Variants in LMX1A observed in about 807,000 individuals in gnomAD.
The protein encoded by LMX1A is LIM homeobox transcription factor 1 alpha.
Under a neutral mutation model 49.1 loss-of-function variants are expected in LMX1A, and 15 were observed. The observed-to-expected ratio is 0.31, with a 90% CI of 0.20 to 0.47. The LOEUF is 0.47. LMX1A is among the 20% of genes least tolerant of loss of function. LMX1A has a pLI of 1.00. For synonymous variants in LMX1A, 167 were observed against 185.7 expected, an observed-to-expected ratio of 0.90 and a Z score of 0.82; for missense variants, 372 against 475.8, an observed-to-expected ratio of 0.78 and a Z score of 2.03.
At chr1:165,344,081 C>T (rs889033346) in intron 3 of LMX1A, among the ~76,000 whole-genome samples, 1 of 152,196 alleles carries the variant, frequency 6.6e-6, no homozygotes, top group African/African-American at 2.4e-5. Flanking sequence ...CACAGCCAAG[C>T]TGAGATTCTG....
rs950509461 is a variant in LMX1A at position 165,335,545 on chromosome 1, C to T, written c.263+17531G>A. Among the ~76,000 whole-genome samples, 4 of 152,172 alleles carry T rather than the reference C, an allele frequency of 2.6e-5. No homozygotes were observed. In the South Asian group the frequency reaches 8.3e-4, roughly 32 times the overall value. Reference sequence around the variant, plus strand: ...AGGCCCACTTCTTTCGCATTATTTCCTTCCTGACAGCTATAATCAAGTCAG... The same window carrying T: ...AGGCCCACTTCTTTCGCATTATTTCTTTCCTGACAGCTATAATCAAGTCAG... On this transcript the variant is annotated intron_variant, in intron 3 of 8. Transcript: ENST00000342310.
At chr1:165,283,742 C>T (rs981304769) in intron 3 of LMX1A, among the ~76,000 whole-genome samples, 7 of 152,208 alleles carry the variant, frequency 4.6e-5, no homozygotes, top group African/African-American at 1.7e-4. Context: ...CACAGCCTGG[C>T]ACGTAGCAGG....
At chr1:165,251,015 AAGTCATGACCCAATCACACACTAAGG>A (rs138730495) in intron 3 of LMX1A, among the ~76,000 whole-genome samples, 37,214 of 151,558 alleles carry the variant, frequency 0.25, 5,215 homozygotes, top group East Asian at 0.56. Flanking sequence ...AGGTGAGGTT[AAGTCATGACCCAATCACACACTAAGG>A]AGCTGGACAT....
At chr1:165,251,897 T>G (rs899030617) in intron 3 of LMX1A, among the ~76,000 whole-genome samples, 17 of 152,060 alleles carry the variant, frequency 1.1e-4, no homozygotes, top group African/African-American at 3.6e-4. Context: ...ATATGAAAAG[T>G]GGTGGGCACT....
intron 5 of LMX1A, among the ~76,000 whole-genome samples, chr1:165,212,520 T>G (rs1292876707): frequency 1.3e-5 from 2 of 150,972 alleles, no homozygotes; most frequent in African/African-American, 4.9e-5. Flanking sequence ...TTGTTTGTTT[T>G]TTTTTTATCA....
chr1:165,208,204 G>A (rs1651180183), intron 6 of LMX1A, 72 bp from the exon 7 acceptor site: 1 of 1,393,730 alleles, frequency 7.2e-7, no homozygotes, highest in South Asian at 1.2e-5. Context: ...GGGGGGGCCT[G>A]GAAGTGACAC....
chr1:165,230,645 A>G (rs16841316), intron 4 of LMX1A, among the ~76,000 whole-genome samples: 25,491 of 152,284 alleles, frequency 0.17, 2,365 homozygotes, highest in African/African-American at 0.24. Flanking sequence ...AACATGCTGG[A>G]AAACAGCACA....
At chr1:165,313,490 T>TTG (rs1553211537) in intron 3 of LMX1A, among the ~76,000 whole-genome samples, 3 of 149,878 alleles carry the variant, frequency 2.0e-5, no homozygotes, top group Admixed American at 6.7e-5. Context: ...TTTTTTTTTT[T>TTG]TTGTTGTTGT....
rs1207354909 is a variant in LMX1A, at chr1:165,355,910, A to G, written c.-22-329T>C. ...CCCGAATCCGACTCCGCCCCAACCT[A>G]TACGAAGGTGGGCCCTCGGGACGTC... On this transcript the variant is annotated intron_variant, in intron 1 of 8. Coordinates refer to ENST00000342310, the MANE Select transcript of LMX1A (RefSeq NM_177398.4). The surrounding 1 kb of genome is among the most constrained non-coding windows in gnomAD (Gnocchi z 4.7). 1.3e-5 allele frequency among the ~76,000 whole-genome samples: 2 copies of G among 151,790 alleles called. No homozygotes were observed. The highest frequency in any genetic ancestry group is 2.9e-5 in the Non-Finnish European group (2 of 67,940).
chr1:165,308,585 G>T (rs1402409454), intron 3 of LMX1A, among the ~76,000 whole-genome samples: 3 of 152,174 alleles, frequency 2.0e-5, no homozygotes, highest in African/African-American at 7.2e-5. Context: ...TCTCAAAGTT[G>T]TATCATTTAG....
chr1:165,215,941 A>G (rs1651627346), intron 4 of LMX1A: 1 of 152,216 alleles, frequency 6.6e-6, no homozygotes, highest in South Asian at 2.1e-4. Flanking sequence ...TAAAGCAACT[A>G]ACACAGTCCT....
At chr1:165,273,232 G>T (rs994927280) in intron 3 of LMX1A, among the ~76,000 whole-genome samples, 1 of 152,176 alleles carries the variant, frequency 6.6e-6, no homozygotes, top group Non-Finnish European at 1.5e-5. Context: ...TGCCAGCATA[G>T]TCAGTGAATG....
intron 4 of LMX1A, among the ~76,000 whole-genome samples, chr1:165,222,757 G>C (rs922028215): frequency 2.0e-5 from 3 of 152,194 alleles, no homozygotes; most frequent in Non-Finnish European, 4.4e-5. Context: ...CGTGGTTCCC[G>C]ACCAGGCCTT....
chr1:165,340,811 C>G (rs1656051163), intron 3 of LMX1A, among the ~76,000 whole-genome samples: 1 of 152,206 alleles, frequency 6.6e-6, no homozygotes, highest in Admixed American at 6.5e-5. Flanking sequence ...ACTGATGTAA[C>G]AGTCCACCTT....
intron 3 of LMX1A, among the ~76,000 whole-genome samples, chr1:165,331,002 G>T (rs1033621382): frequency 6.6e-6 from 1 of 152,200 alleles, no homozygotes; most frequent in African/African-American, 2.4e-5. Flanking sequence ...GTTCAGCCAA[G>T]TTAACTGCCT....
At chr1:165,217,999 GTC>G (rs769714089) in intron 4 of LMX1A, among the ~76,000 whole-genome samples, 16 of 152,044 alleles carry the variant, frequency 1.1e-4, no homozygotes, top group Non-Finnish European at 1.9e-4. Context: ...ATGCCTCACA[GTC>G]TCTGTTGCAG....
intron 4 of LMX1A, among the ~76,000 whole-genome samples, chr1:165,238,751 A>G (rs1379569022): frequency 6.6e-6 from 1 of 152,244 alleles, no homozygotes; most frequent in Non-Finnish European, 1.5e-5. Flanking sequence ...GTGAAACCTG[A>G]GAACAAAACA....
At chr1:165,320,214 C>G (rs752009855) in intron 3 of LMX1A, among the ~76,000 whole-genome samples, 1 of 152,122 alleles carries the variant, frequency 6.6e-6, no homozygotes, top group Non-Finnish European at 1.5e-5. Flanking sequence ...AGTTAACAGG[C>G]AGTACTACTG....
chr1:165,291,830 G>A (rs73013445), intron 3 of LMX1A, among the ~76,000 whole-genome samples: 12,408 of 152,114 alleles, frequency 0.082, 640 homozygotes, highest in African/African-American at 0.12. Flanking sequence ...TTGGGAGGCC[G>A]AGACGGGCGG....
Sources: gnomAD v4.1 joint callset for allele counts (sites outside exome capture counted in the v4.1 genomes callset) on GRCh38, gnomAD v4.1.1 for gene constraint, Gnocchi (gnomAD v3.1) non-coding constraint, MANE v1.5 for transcripts, NCBI Gene and HGNC (gene_info 2026-07-23, HGNC 2026-07-21) for gene names.